Variants in FYB1 observed in about 807,000 individuals in gnomAD.
FYB1 encodes FYN-binding protein 1.
In FYB1, 41 loss-of-function variants were observed where a neutral mutation model predicts 94.1. The ratio of observed to expected loss-of-function variants is 0.44; its 90% CI spans 0.34 to 0.57. FYB1 has a LOEUF of 0.57. Ranked by LOEUF, FYB1 falls within the 20% of genes least tolerant of loss-of-function variation. The pLI, the probability that FYB1 is intolerant of heterozygous loss-of-function variation, is 0.02. For synonymous variants in FYB1, 367 were observed against 353.2 expected (o/e 1.04, Z -0.44); for missense variants, 1,050 against 976.8 (o/e 1.07, Z -1.00).
chr5:39,256,740 A>G (rs2150624542), intron 1 of FYB1, among the ~76,000 whole-genome samples: 1 of 152,218 alleles, frequency 6.6e-6, no homozygotes, highest in South Asian at 2.1e-4. Flanking sequence ...TTGCAGCTGT[A>G]TTGTGTTGGG....
intron 8 of FYB1, among the ~76,000 whole-genome samples, 175 bp from the exon 9 acceptor site, chr5:39,134,524 C>G (rs980995600): frequency 6.6e-6 from 1 of 152,172 alleles, no homozygotes; most frequent in African/African-American, 2.4e-5. Context: ...CTGTCAAAGT[C>G]TAATCCTGTT....
chr5:39,165,933 C>T (rs571895730), intron 2 of FYB1, among the ~76,000 whole-genome samples: 14 of 152,260 alleles, frequency 9.2e-5, no homozygotes, highest in South Asian at 8.3e-4. Flanking sequence ...GAGATATCAT[C>T]GTACAGCAGT....
At chr5:39,207,668 AT>A (rs1748979865) in intron 1 of FYB1, among the ~76,000 whole-genome samples, 3 of 151,402 alleles carry the variant, frequency 2.0e-5, no homozygotes. Flanking sequence ...TATTATCTCT[AT>A]TATTAGGAAC....
At chr5:39,126,782 G>C (rs1014206466) in intron 11 of FYB1, among the ~76,000 whole-genome samples, 2 of 150,566 alleles carry the variant, frequency 1.3e-5, no homozygotes, top group African/African-American at 4.9e-5. Context: ...TCTTAGGCCA[G>C]GCACAGTGGC....
At chr5:39,214,195 T>C (rs1339997067) in intron 1 of FYB1, among the ~76,000 whole-genome samples, 1 of 152,208 alleles carries the variant, frequency 6.6e-6, no homozygotes, top group Non-Finnish European at 1.5e-5. Context: ...GAGATACTAC[T>C]TCACATCCAT....
At chr5:39,175,755 C>T (rs530340239) in intron 2 of FYB1, among the ~76,000 whole-genome samples, 56 of 152,116 alleles carry the variant, frequency 3.7e-4, no homozygotes, top group African/African-American at 1.0e-3. Context: ...GTAGGCAGTA[C>T]CAGCTTTCAA....
intron 2 of FYB1, chr5:39,170,177 T>C: frequency 1.3e-6 from 1 of 778,628 alleles, no homozygotes; most frequent in Non-Finnish European, 2.3e-6. Flanking sequence ...GTCAAATCTG[T>C]ATTTGAACTT....
intron 2 of FYB1, among the ~76,000 whole-genome samples, chr5:39,178,988 G>A (rs552090062): frequency 2.6e-5 from 4 of 152,290 alleles, no homozygotes; most frequent in Admixed American, 6.5e-5. Flanking sequence ...GAGTCCATAC[G>A]TAGTTTTGCA....
chr5:39,210,555 C>A (rs1387811016), intron 1 of FYB1, among the ~76,000 whole-genome samples: 2 of 152,270 alleles, frequency 1.3e-5, no homozygotes, highest in East Asian at 3.9e-4. Flanking sequence ...TTTTTGTGTA[C>A]CCCCTGTTTT....
At chr5:39,178,663 G>GT (rs763222189) in intron 2 of FYB1, among the ~76,000 whole-genome samples, 5 of 151,866 alleles carry the variant, frequency 3.3e-5, no homozygotes, top group Non-Finnish European at 5.9e-5. Flanking sequence ...CAACATTGAG[G>GT]TTTTTTTTAA....
chr5:39,237,126 C>T (rs1029419083), intron 1 of FYB1, among the ~76,000 whole-genome samples: 13 of 152,052 alleles, frequency 8.5e-5, no homozygotes, highest in South Asian at 2.1e-4. Flanking sequence ...CTTGAAATCC[C>T]GACAAAACAA....
chr5:39,147,461 T>TGTGC (rs892210003), intron 3 of FYB1, among the ~76,000 whole-genome samples: 4 of 103,786 alleles, frequency 3.9e-5, no homozygotes, highest in Non-Finnish European at 9.7e-5. Context: ...CCTGTGTGTG[T>TGTGC]GTGTGTGTGT....
intron 1 of FYB1, among the ~76,000 whole-genome samples, chr5:39,258,939 ACT>A (rs1249252719): frequency 6.6e-6 from 1 of 152,068 alleles, no homozygotes; most frequent in African/African-American, 2.4e-5. Flanking sequence ...GTGTAGGGTC[ACT>A]CTGTGAAACC....
intron 1 of FYB1, among the ~76,000 whole-genome samples, chr5:39,214,606 A>G (rs984681807): frequency 1.3e-5 from 2 of 152,234 alleles, no homozygotes; most frequent in African/African-American, 4.8e-5. Context: ...TGAAGACATT[A>G]CGCCAAGTGA....
intron 7 of FYB1, 93 bp downstream of exon 7, chr5:39,137,507 T>C: frequency 7.1e-7 from 1 of 1,400,418 alleles, no homozygotes; most frequent in Non-Finnish European, 9.5e-7. Context: ...TAAGTAATTC[T>C]TCAACTATGT....
At chr5:39,168,351 T>G (rs1023737361) in intron 2 of FYB1, among the ~76,000 whole-genome samples, 3 of 152,220 alleles carry the variant, frequency 2.0e-5, no homozygotes, top group African/African-American at 7.2e-5. Flanking sequence ...CCTGCACTTG[T>G]TAGCCTGAGA....
At chr5:39,146,760 T>C (rs1366442872) in intron 3 of FYB1, among the ~76,000 whole-genome samples, 1 of 152,242 alleles carries the variant, frequency 6.6e-6, no homozygotes, top group Non-Finnish European at 1.5e-5. Flanking sequence ...ACATTTGTTT[T>C]ATTTATGGAC....
In FYB1 at chr5:39,108,272, TA is replaced by T. The variant is rs779744124; in HGVS notation, c.2436-11del. 164 of 1,516,630 alleles carry T rather than the reference TA, an allele frequency of 1.1e-4. No homozygotes were observed. The highest frequency in any genetic ancestry group is 2.2e-4 in the Admixed American group (11 of 49,194). 93.9% of individuals were successfully genotyped at this position (1,516,630 alleles called of 1,614,324 possible). On this transcript the variant is annotated splice_polypyrimidine_tract_variant and intron_variant, in intron 17 of 18. Transcript: ENST00000512982. ...ATAGATCTCTCCATCACTGTAAATG[TA>T]AAAAAAAATTTTTATTTTAAAGAAA...
In FYB1 at chr5:39,127,450, CAA is replaced by C. The variant is rs34709432; in HGVS notation, c.1907+289_1907+290del. Among the ~76,000 whole-genome samples the C allele has an allele frequency of 1.0e-3, 69 of 66,406 alleles. 1 individual carries two copies. The highest frequency in any genetic ancestry group is 3.0e-3 in the African/African-American group (64 of 21,370). The allele number at this position is 66,406 out of a possible 152,430, so 43.6% of individuals were successfully genotyped here. A position where few individuals can be genotyped will look rare whatever the true frequency, so the allele number is the denominator to read the frequency against. On this transcript the variant is annotated intron_variant, in intron 11 of 18. Transcript: ENST00000512982. The stretch of plus-strand genomic sequence containing the variant: ...TGGGCGACAGAGTGAGACTCTGTCT[CAA>C]AAAAAAAAAAAAAAAAAAAAATACA...
Sources: allele counts gnomAD v4.1 joint callset (sites outside exome capture counted in the v4.1 genomes callset), GRCh38; gene constraint gnomAD v4.1.1; transcripts MANE v1.5; gene names NCBI Gene and HGNC (gene_info 2026-07-23, HGNC 2026-07-21).